Variants in SMC4 observed in about 807,000 individuals in gnomAD.
SMC4 encodes the protein structural maintenance of chromosomes 4.
SMC4 carries 87 observed loss-of-function variants against 145.6 expected under a neutral mutation model. The ratio of observed to expected loss-of-function variants is 0.60; its 90% CI spans 0.50 to 0.71. The LOEUF is 0.71. SMC4 is among the 30% of genes least tolerant of loss of function. SMC4 has a pLI of 0.00. For missense variants in SMC4, 1,447 were observed against 1,537.1 expected, an observed-to-expected ratio of 0.94 and a Z score of 0.98; for synonymous variants, 558 against 500.7, an observed-to-expected ratio of 1.11 and a Z score of -1.53.
chr3:160,413,438 G>A (rs1214768821), intron 7 of SMC4, 35 bp from the exon 8 acceptor site: 1 of 1,556,126 alleles, frequency 6.4e-7, no homozygotes, highest in Non-Finnish European at 8.6e-7. Flanking sequence ...CATTTTAGGA[G>A]CTTCAATTTC....
intron 18 of SMC4, 105 bp downstream of exon 18, chr3:160,429,047 T>C (rs922683292): frequency 2.6e-5 from 25 of 953,686 alleles, no homozygotes; most frequent in Non-Finnish European, 3.8e-5. Context: ...TACTGTTAAT[T>C]TATTGAACCT....
At chr3:160,419,966 T>A (rs985748828) in intron 12 of SMC4, among the ~76,000 whole-genome samples, 2 of 152,114 alleles carry the variant, frequency 1.3e-5, no homozygotes, top group Non-Finnish European at 2.9e-5. Context: ...AAAAATTTTT[T>A]TATATATTTG....
At position 160,424,905 on chromosome 3, in the gene SMC4, A is replaced by C. The variant is rs993928272; in HGVS notation, c.2364A>C (p.Lys788Asn). The change falls in exon 16 of 24, where the codon AAA becomes AAC. Residue 788 changes from lysine (K) to asparagine (N), a missense_variant. Transcript: ENST00000357388. ...AATCACAGTTGCAAAACGACTCTAA[A>C]AAAGCAATGCAAATCCAAGAACAGA... is the stretch of plus-strand genomic sequence containing the variant. ...KMESQLQNDS[K>N]KAMQIQEQKV... 3.1e-6 allele frequency: 5 copies of C among 1,614,166 alleles called. No individual in the cohort carries two copies. Among genetic ancestry groups the C allele is most frequent in the East Asian group, 4.5e-5 (2 of 44,870 alleles).
rs751766085 is a variant in SMC4 at position 160,432,333 on chromosome 3, A to G, written c.3348A>G (p.Glu1116=). 5.0e-6 allele frequency: 8 copies of G among 1,613,112 alleles called. No individual in the cohort carries two copies. The highest frequency in any genetic ancestry group is 1.7e-5 in the Admixed American group (1 of 59,806). Residue 1116 remains glutamate, a synonymous_variant, in exon 22 of 24, where the codon GAA becomes GAG. Transcript: ENST00000357388. ...CAGAATTGGACAAAATTACTTATGA[A>G]AGAGACAGTTTTAGACAGGCATATG... The part of the protein sequence containing the change: ...RVAELDKITY[E]RDSFRQAYED...
intron 5 of SMC4, among the ~76,000 whole-genome samples, chr3:160,408,603 C>T (rs1283342759): frequency 1.3e-5 from 2 of 152,166 alleles, no homozygotes; most frequent in African/African-American, 2.4e-5. Flanking sequence ...CTTGATATGA[C>T]TTTAAATTCA....
intron 20 of SMC4, 70 bp from the exon 21 acceptor site, chr3:160,431,573 T>A: frequency 9.6e-7 from 1 of 1,043,526 alleles, no homozygotes; most frequent in Non-Finnish European, 1.4e-6. Context: ...ATTTGTCATA[T>A]TTTTTTTTAA....
At chr3:160,414,014 TAAA>T (rs993327431) in intron 8 of SMC4, 15 of 341,948 alleles carry the variant, frequency 4.4e-5, no homozygotes, top group Non-Finnish European at 7.6e-5. Context: ...TATTTTTAAA[TAAA>T]AAAATTTGTA....
chr3:160,433,073 G>A lies in SMC4; in HGVS notation c.3578G>A (p.Gly1193Glu). The stretch of plus-strand genomic sequence containing the variant: ...TGGAAAAAGATCTTCAACCTTTCGG[G>A]AGGAGAGAAAACACTTAGTTCATTG... The part of the protein sequence containing the change: ...KSWKKIFNLS[G>E]GEKTLSSLAL... The change falls in exon 23 of 24, where the codon GGA (glycine) becomes GAA (glutamate). Residue 1193 changes from glycine to glutamate, a missense_variant. By Grantham distance (98) the Gly-to-Glu change is moderately conservative (BLOSUM62 -2). Coordinates refer to ENST00000357388, the MANE Select transcript of SMC4 (RefSeq NM_001002800.3). The A allele has an allele frequency of 6.2e-7, 1 of 1,613,642 alleles. No individual in the cohort carries two copies. The highest frequency in any genetic ancestry group is 8.5e-7 in the Non-Finnish European group (1 of 1,179,710).
chr3:160,404,883 A>C (rs1715148283), intron 5 of SMC4: 1 of 411,246 alleles, frequency 2.4e-6, no homozygotes, highest in Admixed American at 3.2e-5. Context: ...TAACATTTTA[A>C]ATGAAATGTA....
intron 18 of SMC4, among the ~76,000 whole-genome samples, chr3:160,430,187 TA>T (rs1718242111): frequency 1.3e-5 from 2 of 151,746 alleles, no homozygotes; most frequent in Admixed American, 6.6e-5. Context: ...GATAAGGAGG[TA>T]ATAAGGGAGA....
chr3:160,434,022 T>A lies in SMC4; in HGVS notation c.*213T>A, dbSNP rs531827409. 193 of 371,632 alleles carry A rather than the reference T, an allele frequency of 5.2e-4. 1 individual carries two copies. Among genetic ancestry groups the A allele is most frequent in the South Asian group, 1.6e-3 (37 of 22,570 alleles). The allele number at this position is 371,632 out of a possible 1,614,324, so 23.0% of individuals were successfully genotyped here. A position where few individuals can be genotyped will look rare whatever the true frequency, so the allele number is the denominator to read the frequency against. On this transcript the variant is annotated 3_prime_UTR_variant, in exon 24 of 24. Coordinates refer to ENST00000357388, the MANE Select transcript of SMC4 (RefSeq NM_001002800.3). ...TATGACAATCTTGTAAGTAGCAGACTATGGAGAAAAATGAGTTACCTGGAG... is the reference window on the plus strand; with the variant it reads ...TATGACAATCTTGTAAGTAGCAGACAATGGAGAAAAATGAGTTACCTGGAG...
chr3:160,425,927 T>G, intron 16 of SMC4, 147 bp from the exon 17 acceptor site: 1 of 598,692 alleles, frequency 1.7e-6, no homozygotes. Context: ...TTGGCCATTT[T>G]CATTTTTTAT....
chr3:160,404,949 T>C (rs1047064341), intron 5 of SMC4: 2 of 297,460 alleles, frequency 6.7e-6, no homozygotes, highest in South Asian at 3.1e-5. Flanking sequence ...TCTTCTGATA[T>C]ATAACCAAAA....
chr3:160,409,225 C>T (rs1715691027), intron 5 of SMC4, among the ~76,000 whole-genome samples: 1 of 137,102 alleles, frequency 7.3e-6, no homozygotes, highest in South Asian at 2.3e-4. Flanking sequence ...GAGATCGCGC[C>T]ACTGCACTCC....
intron 14 of SMC4, 32 bp from the exon 15 acceptor site, chr3:160,423,729 T>C: frequency 6.2e-7 from 1 of 1,605,562 alleles, no homozygotes; most frequent in Non-Finnish European, 8.5e-7. Context: ...TGGGGAGACA[T>C]CTGAAGCTGA....
chr3:160,404,036 C>G, intron 4 of SMC4: 2 of 298,736 alleles, frequency 6.7e-6, no homozygotes, highest in Non-Finnish European at 6.2e-6. Context: ...TTGTCTACGT[C>G]TTCTCAATCA....
chr3:160,412,359 GA>G lies in SMC4; in HGVS notation c.887del (p.Asp296ValfsTer3). On this transcript the variant is annotated frameshift_variant, in exon 7 of 24. Coordinates refer to ENST00000357388, the MANE Select transcript of SMC4 (RefSeq NM_001002800.3). LOFTEE classifies it high-confidence loss of function. ...NRVKMVEKEK[D>X]ALEGEKNIAI... Reference sequence around the variant, plus strand: ...GGTAAAGATGGTGGAAAAGGAAAAGGATGCCTTAGAAGGAGAGAAAAACATA... The same window carrying G: ...GGTAAAGATGGTGGAAAAGGAAAAGGTGCCTTAGAAGGAGAGAAAAACATA... 1 of 1,602,038 alleles carries G rather than the reference GA, an allele frequency of 6.2e-7. No homozygotes were observed. The highest frequency in any genetic ancestry group is 1.7e-4 in the Middle Eastern group (1 of 6,026).
Position 160,411,885 on chromosome 3 carries a change from A to G in SMC4, c.688-35A>G, listed in dbSNP as rs201028066. ...ACTTAAGATTGATTTAGCTAAACAT[A>G]CACAGTGAGTATGAAATATAACTTT... On this transcript the variant is annotated intron_variant, in intron 5 of 23. Coordinates refer to ENST00000357388, the MANE Select transcript of SMC4 (RefSeq NM_001002800.3). 34 of 1,582,472 alleles carry G rather than the reference A, an allele frequency of 2.1e-5. 1 individual carries two copies. The East Asian group carries it at 7.6e-4, about 36-fold the overall frequency.
At chr3:160,400,744 C>G in intron 1 of SMC4, 78 bp from the exon 2 acceptor site, 3 of 1,396,682 alleles carry the variant, frequency 2.1e-6, no homozygotes, top group South Asian at 3.1e-5. Context: ...AGCCGGTGGA[C>G]CGAGATTTCC....
Sources: gnomAD v4.1 joint callset for allele counts (sites outside exome capture counted in the v4.1 genomes callset) on GRCh38, gnomAD v4.1.1 for gene constraint, MANE v1.5 for transcripts, NCBI Gene and HGNC (gene_info 2026-07-23, HGNC 2026-07-21) for gene names.